Variants in REEP1 observed in about 807,000 individuals in gnomAD.
REEP1 encodes the protein receptor expression-enhancing protein 1.
REEP1 carries 22 observed loss-of-function variants against 40.3 expected under a neutral mutation model. That is an observed-to-expected ratio of 0.55 (90% CI 0.39 to 0.78). The LOEUF is 0.78. Among genes scored for constraint, REEP1 ranks in the 30% least tolerant of loss-of-function variants. The pLI, the probability that REEP1 is intolerant of heterozygous loss-of-function variation, is 0.00. For missense variants in REEP1, 280 were observed against 361.1 expected (o/e 0.78, Z 1.82); for synonymous variants, 116 against 139.2 (o/e 0.83, Z 1.17).
chr2:86,303,033 C>T (rs1227218920), intron 1 of REEP1, among the ~76,000 whole-genome samples: 2 of 152,020 alleles, frequency 1.3e-5, no homozygotes, highest in South Asian at 2.1e-4. Flanking sequence ...AGCTGAATTG[C>T]TTTTTAAAAA....
intron 7 of REEP1, 63 bp downstream of exon 7, chr2:86,227,300 T>C: frequency 8.2e-7 from 1 of 1,223,176 alleles, no homozygotes; most frequent in East Asian, 3.2e-5. Context: ...TGCCCACTCC[T>C]GGTTAGAAGC....
chr2:86,331,854 C>A (rs963562034), intron 1 of REEP1, among the ~76,000 whole-genome samples: 1 of 152,164 alleles, frequency 6.6e-6, no homozygotes, highest in African/African-American at 2.4e-5. Flanking sequence ...ATCTTCCCTG[C>A]ATAAAGCACT....
chr2:86,280,178 T>G (rs1354995999), intron 2 of REEP1: 1 of 387,404 alleles, frequency 2.6e-6, no homozygotes, highest in African/African-American at 2.1e-5. Context: ...CACAGGAGTG[T>G]GAGTGCAGAG....
Position 86,232,780 on chromosome 2 carries a change from C to G in REEP1, c.440G>C (p.Arg147Thr). 6.2e-7 allele frequency: 1 copy of G among 1,602,950 alleles called. No homozygotes were observed. Among genetic ancestry groups the G allele is most frequent in the South Asian group, 1.1e-5 (1 of 91,074 alleles). ...ASKGQGALSE[R>T]LRSFSMQDLT... ...GTCCTGCATGCTGAAGCTCCGCAGT[C>G]TCTCCGATAAGGCACCCTGTCCCTG... is the stretch of plus-strand genomic sequence containing the variant. Residue 147 changes from arginine (R) to threonine (T), a missense_variant, in exon 6 of 9, where the codon AGA (arginine) becomes ACA (threonine). By Grantham distance (71) the Arg-to-Thr change is moderately conservative (BLOSUM62 -1). Coordinates refer to ENST00000538924, the MANE Select transcript of REEP1 (RefSeq NM_001371279.1).
intron 1 of REEP1, among the ~76,000 whole-genome samples, chr2:86,329,980 TAG>T (rs1403633227): frequency 2.6e-5 from 4 of 152,034 alleles, no homozygotes; most frequent in Non-Finnish European, 5.9e-5. Context: ...TGGAGAAAGG[TAG>T]AGACATGTAT....
chr2:86,219,367 G>T (rs1461723846), intron 8 of REEP1, among the ~76,000 whole-genome samples: 1 of 151,864 alleles, frequency 6.6e-6, no homozygotes, highest in East Asian at 1.9e-4. Flanking sequence ...TCAACTTAGA[G>T]TGGTAGTTGT....
At chr2:86,243,607 C>T (rs1024244620) in intron 5 of REEP1, among the ~76,000 whole-genome samples, 5 of 152,282 alleles carry the variant, frequency 3.3e-5, no homozygotes, top group Admixed American at 1.3e-4. Flanking sequence ...AGCCGGAATC[C>T]AGCACACTGG....
At chr2:86,309,235 C>G (rs900396629) in intron 1 of REEP1, among the ~76,000 whole-genome samples, 1 of 152,232 alleles carries the variant, frequency 6.6e-6, no homozygotes, top group Non-Finnish European at 1.5e-5. Flanking sequence ...CACCCCTAAC[C>G]TCTCTGGACC....
intron 2 of REEP1, among the ~76,000 whole-genome samples, chr2:86,265,559 G>A (rs974293134): frequency 1.3e-5 from 2 of 150,988 alleles, no homozygotes; most frequent in African/African-American, 4.9e-5. Flanking sequence ...AAAGAAAATG[G>A]GGTGTATATA....
At chr2:86,283,657 G>A (rs577220822) in intron 1 of REEP1, among the ~76,000 whole-genome samples, 1 of 152,336 alleles carries the variant, frequency 6.6e-6, no homozygotes, top group African/African-American at 2.4e-5. Context: ...AACCAAGTCC[G>A]TTTCTGGCAC....
intron 1 of REEP1, among the ~76,000 whole-genome samples, chr2:86,282,770 T>C (rs1210641720): frequency 6.6e-6 from 1 of 152,170 alleles, no homozygotes; most frequent in Non-Finnish European, 1.5e-5. Context: ...CATTAGCCTG[T>C]TTCTCATTGC....
chr2:86,261,830 T>C, intron 3 of REEP1, among the ~76,000 whole-genome samples: 1 of 152,220 alleles, frequency 6.6e-6, no homozygotes, highest in East Asian at 1.9e-4. Context: ...AATGTCTCGG[T>C]ATAAAACCCG....
At chr2:86,267,969 T>C (rs1677233401) in intron 2 of REEP1, among the ~76,000 whole-genome samples, 1 of 151,614 alleles carries the variant, frequency 6.6e-6, no homozygotes, top group Non-Finnish European at 1.5e-5. Context: ...AAAAAAACCT[T>C]AGCAAAGTAG....
intron 5 of REEP1, among the ~76,000 whole-genome samples, chr2:86,245,546 T>C (rs1220987296): frequency 1.3e-5 from 2 of 152,182 alleles, no homozygotes; most frequent in Non-Finnish European, 2.9e-5. Context: ...TCCTTTTCAC[T>C]GTTTTGCCCT....
chr2:86,315,990 A>C (rs1042367689), intron 1 of REEP1, among the ~76,000 whole-genome samples: 4 of 152,126 alleles, frequency 2.6e-5, no homozygotes, highest in African/African-American at 9.7e-5. Flanking sequence ...TGCTGGACAC[A>C]CAAGAGGGCT....
At chr2:86,221,807 T>C (rs1347262792) in intron 7 of REEP1, among the ~76,000 whole-genome samples, 3 of 152,158 alleles carry the variant, frequency 2.0e-5, no homozygotes, top group Non-Finnish European at 4.4e-5. Flanking sequence ...AAGTCAGAGC[T>C]TGACACCCCC....
chr2:86,332,864 G>A (rs1017978712), intron 1 of REEP1, among the ~76,000 whole-genome samples: 5 of 152,200 alleles, frequency 3.3e-5, no homozygotes, highest in African/African-American at 4.8e-5. Context: ...GGGAAGGAAG[G>A]GACCTAGAGG....
chr2:86,313,148 C>A (rs137878672), intron 1 of REEP1, among the ~76,000 whole-genome samples: 1,928 of 152,216 alleles, frequency 0.013, 45 homozygotes, highest in African/African-American at 0.043. Flanking sequence ...CTTGCTCCGT[C>A]ACCCAGGCTG....
chr2:86,227,226 T>C (rs1674755468), intron 7 of REEP1, 137 bp downstream of exon 7: 1 of 596,434 alleles, frequency 1.7e-6, no homozygotes, highest in Non-Finnish European at 2.5e-6. Context: ...TTTGCTGTTA[T>C]AAAGGGTTAA....
Sources: gnomAD v4.1 joint callset for allele counts (sites outside exome capture counted in the v4.1 genomes callset) on GRCh38, gnomAD v4.1.1 for gene constraint, MANE v1.5 for transcripts, NCBI Gene and HGNC (gene_info 2026-07-23, HGNC 2026-07-21) for gene names.